Variants in NOTCH2NLB observed in about 807,000 individuals in gnomAD.
NOTCH2NLB encodes the protein notch 2 N-terminal like B, also known as notch homolog 2 N-terminal-like protein B.
Under a neutral mutation model 14.8 loss-of-function variants are expected in NOTCH2NLB, and 1 was observed. The ratio of observed to expected loss-of-function variants is 0.07; its 90% CI spans 0.02 to 0.32. The LOEUF is 0.32. Among genes scored for constraint, NOTCH2NLB ranks in the 10% least tolerant of loss-of-function variants. The pLI is 1.00. For missense variants in NOTCH2NLB, 11 were observed against 155.0 expected (o/e 0.07, Z 4.93); for synonymous variants, 6 against 57.5 (o/e 0.10, Z 4.05).
chr1:148,693,093 C>CT, the NOTCH2NLB span, among the ~76,000 whole-genome samples: 2 of 116,458 alleles, frequency 1.7e-5, no homozygotes, highest in Non-Finnish European at 3.5e-5. Context: ...GAGCCGCCCC[C>CT]CCCCCCCCAC....
At chr1:148,651,250 T>A (rs1664507281) in intron 1 of NOTCH2NLB, among the ~76,000 whole-genome samples, 1 of 97,562 alleles carries the variant, frequency 1.0e-5, no homozygotes, top group Admixed American at 1.0e-4. Flanking sequence ...TCTTCAGACA[T>A]ACAACTATGT....
the NOTCH2NLB span, among the ~76,000 whole-genome samples, chr1:148,698,420 TA>T: frequency 1.5e-5 from 1 of 64,860 alleles, no homozygotes; most frequent in Non-Finnish European, 3.6e-5. Flanking sequence ...AAGTTTGTGA[TA>T]ATTTGTTACA....
At chr1:148,637,576 A>T (rs1490158806) in intron 2 of NOTCH2NLB, among the ~76,000 whole-genome samples, 3,232 of 147,900 alleles carry the variant, frequency 0.022, 24 homozygotes, top group Non-Finnish European at 0.034. Flanking sequence ...AAATACATAA[A>T]TTTTTTTTAA....
intron 3 of NOTCH2NLB, among the ~76,000 whole-genome samples, chr1:148,610,317 A>G (rs1414414219): frequency 4.5e-5 from 3 of 66,038 alleles, no homozygotes; most frequent in Non-Finnish European, 8.9e-5. Context: ...GAAAGAGAGA[A>G]AGAGAGAGAA....
rs1221410234 is a variant in NOTCH2NLB at position 148,607,327 on chromosome 1, T to TA, written c.673+82dup. On this transcript the variant is annotated intron_variant, in intron 4 of 4. Coordinates refer to ENST00000593495, the Ensembl canonical transcript of NOTCH2NLB. ...CACTTCCCTTTTTCCTTGCGCTTCC[T>TA]AAAAAAAGCAATTGAGCCACACCCA... 306 of 444,186 alleles carry TA rather than the reference T, an allele frequency of 6.9e-4. 40 individuals are homozygous for TA. In the African/African-American group the frequency reaches 0.016, roughly 23 times the overall value. 27.5% of individuals were successfully genotyped at this position (444,186 alleles called of 1,614,324 possible). A position where few individuals can be genotyped will look rare whatever the true frequency, so the allele number is the denominator to read the frequency against.
At chr1:148,670,001 A>G (rs1664724377) in intron 1 of NOTCH2NLB, among the ~76,000 whole-genome samples, 1 of 48,740 alleles carries the variant, frequency 2.1e-5, no homozygotes, top group African/African-American at 6.1e-5. Context: ...TTAAGTATTA[A>G]AGTAAATGTC....
intron 1 of NOTCH2NLB, among the ~76,000 whole-genome samples, chr1:148,651,165 ATAT>A (rs1664502831): frequency 0.022 from 829 of 38,102 alleles, 1 homozygote; most frequent in African/African-American, 0.058. Context: ...AAAAAAAAAT[ATAT>A]ATATATATAT....
At chr1:148,708,189 C>T in the NOTCH2NLB span, among the ~76,000 whole-genome samples, 1 of 34,982 alleles carries the variant, frequency 2.9e-5, no homozygotes, top group African/African-American at 1.4e-4. Flanking sequence ...AGGGAAAACA[C>T]ATTCCACAAT....
chr1:148,638,202 T>C (rs1315792126), intron 2 of NOTCH2NLB, among the ~76,000 whole-genome samples: 1 of 148,700 alleles, frequency 6.7e-6, no homozygotes, highest in African/African-American at 2.5e-5. Context: ...CAGTGTCTTC[T>C]TATTTAACAT....
the NOTCH2NLB span, among the ~76,000 whole-genome samples, chr1:148,686,784 C>A: frequency 2.9e-5 from 2 of 69,420 alleles, no homozygotes; most frequent in African/African-American, 8.1e-5. Flanking sequence ...AACAGATTCT[C>A]CCTCTGAGCC....
At chr1:148,604,950 T>TACAC (rs1186780760), downstream of NOTCH2NLB, among the ~76,000 whole-genome samples, 1,690 of 126,282 alleles carry the variant, frequency 0.013, 29 homozygotes, top group Middle Eastern at 0.017. Flanking sequence ...CAACGCCATA[T>TACAC]ACACACACAC....
chr1:148,661,319 A>G (rs1358077272), intron 1 of NOTCH2NLB, among the ~76,000 whole-genome samples: 1 of 149,952 alleles, frequency 6.7e-6, no homozygotes, highest in Non-Finnish European at 1.5e-5. Flanking sequence ...TGAAAAAACA[A>G]TTCCAAGGTC....
At chr1:148,622,252 C>A (rs1369765989) in intron 2 of NOTCH2NLB, among the ~76,000 whole-genome samples, 1 of 103,208 alleles carries the variant, frequency 9.7e-6, no homozygotes, top group African/African-American at 4.8e-5. Context: ...CGCCTGTAGT[C>A]CCAGCTACTC....
chr1:148,704,406 C>A, the NOTCH2NLB span, among the ~76,000 whole-genome samples: 1 of 23,480 alleles, frequency 4.3e-5, no homozygotes, highest in Non-Finnish European at 6.6e-5. Context: ...AAGCACAGGT[C>A]GGCCAAAAGT....
At chr1:148,700,036 C>T in the NOTCH2NLB span, among the ~76,000 whole-genome samples, 2 of 90,090 alleles carry the variant, frequency 2.2e-5, 1 homozygote, top group Non-Finnish European at 4.9e-5. Flanking sequence ...TCCCCTCACA[C>T]CCTGCTCTGA....
At chr1:148,651,157 AAAAAAATAT>A (rs1241929764) in intron 1 of NOTCH2NLB, among the ~76,000 whole-genome samples, 578 of 82,740 alleles carry the variant, frequency 7.0e-3, no homozygotes, top group African/African-American at 0.019. Context: ...AAAAAAAAAA[AAAAAAATAT>A]ATATATATAT....
At chr1:148,673,805 CA>C (rs1235815955) in intron 1 of NOTCH2NLB, among the ~76,000 whole-genome samples, 11 of 141,840 alleles carry the variant, frequency 7.8e-5, no homozygotes, top group Admixed American at 7.7e-4. Flanking sequence ...AACAAACAAA[CA>C]AAAACAAACA....
intron 3 of NOTCH2NLB, among the ~76,000 whole-genome samples, chr1:148,608,316 G>A (rs1663571932): frequency 7.3e-6 from 1 of 137,134 alleles, no homozygotes; most frequent in South Asian, 2.3e-4. Context: ...GAACCCAGGA[G>A]GCGGAGGTTG....
At chr1:148,621,513 A>T (rs1159354840) in intron 2 of NOTCH2NLB, among the ~76,000 whole-genome samples, 2 of 103,422 alleles carry the variant, frequency 1.9e-5, no homozygotes, top group Non-Finnish European at 3.6e-5. Flanking sequence ...AATTTCTTTC[A>T]GGGTGATAAA....
Sources: allele counts gnomAD v4.1 joint callset (sites outside exome capture counted in the v4.1 genomes callset), GRCh38; gene constraint gnomAD v4.1.1; transcripts MANE v1.5; gene names NCBI Gene and HGNC (gene_info 2026-07-23, HGNC 2026-07-21).